Variants in IRGQ observed in about 807,000 individuals in gnomAD.
IRGQ encodes the protein immunity-related GTPase family Q protein.
In IRGQ, 5 loss-of-function variants were observed where a neutral mutation model predicts 10.5. That is an observed-to-expected ratio of 0.48 (90% CI 0.25 to 1.00). The LOEUF (loss-of-function observed/expected upper bound fraction) is 1.00, where lower values mean the gene tolerates loss of function less well. Among genes scored for constraint, IRGQ ranks in the 50% least tolerant of loss-of-function variants. IRGQ has a pLI of 0.16. For synonymous variants in IRGQ, 418 were observed against 426.0 expected, an observed-to-expected ratio of 0.98 and a Z score of 0.23; for missense variants, 792 against 877.7, an observed-to-expected ratio of 0.90 and a Z score of 1.23.
intron 2 of IRGQ, among the ~76,000 whole-genome samples, chr19:43,594,459 T>C (rs1472026133): frequency 6.6e-6 from 1 of 152,056 alleles, no homozygotes; most frequent in East Asian, 1.9e-4. Context: ...GGAGGATCAT[T>C]TGAGCCCAGG....
At position 43,592,911 on chromosome 19, in the gene IRGQ, C is replaced by T. The variant is rs1973080835; in HGVS notation, c.987G>A (p.Val329=). 6.2e-7 allele frequency: 1 copy of T among 1,612,636 alleles called. No individual in the cohort carries two copies. Among genetic ancestry groups the T allele is most frequent in the East Asian group, 2.2e-5 (1 of 44,870 alleles). ...LLLPDAPLVC[V]RTDGEGEDPE... ...GATCCTCGCCCTCGCCGTCTGTGCGCACGCAGACAAGAGGCGCATCTGGTA... is the reference window on the plus strand; with the variant it reads ...GATCCTCGCCCTCGCCGTCTGTGCGTACGCAGACAAGAGGCGCATCTGGTA... The change falls in exon 3 of 3, where the codon GTG becomes GTA. Residue 329 remains valine, a synonymous_variant. Coordinates refer to ENST00000422989, the MANE Select transcript of IRGQ (RefSeq NM_001007561.3).
Position 43,592,544 on chromosome 19 carries a change from G to T in IRGQ, c.1354C>A (p.Pro452Thr), listed in dbSNP as rs777118770. Reference protein sequence around the residue: ...LCEWLRRALPPAQAGALLLAL... With the variant: ...LCEWLRRALPTAQAGALLLAL... Reference sequence around the variant, plus strand: ...AGCAGCAGTGCCCCTGCCTGGGCTGGGGGGAGCGCTCGCCGCAGCCATTCG... The same window carrying T: ...AGCAGCAGTGCCCCTGCCTGGGCTGTGGGGAGCGCTCGCCGCAGCCATTCG... Residue 452 changes from proline (P) to threonine (T), a missense_variant, in exon 3 of 3, where the codon CCA (proline) becomes ACA (threonine). Coordinates refer to ENST00000422989, the MANE Select transcript of IRGQ (RefSeq NM_001007561.3). The T allele has an allele frequency of 8.1e-6, 13 of 1,596,988 alleles. No homozygotes were observed. Among genetic ancestry groups the T allele is most frequent in the Middle Eastern group, 1.7e-4 (1 of 5,998 alleles).
At position 43,591,963 on chromosome 19, in the gene IRGQ, C is replaced by G; in HGVS notation, c.*63G>C. 6.7e-7 allele frequency: 1 copy of G among 1,500,534 alleles called. No individual in the cohort carries two copies. The highest frequency in any genetic ancestry group is 9.0e-7 in the Non-Finnish European group (1 of 1,116,316). The allele number at this position is 1,500,534 out of a possible 1,614,324, so 93.0% of individuals were successfully genotyped here. On this transcript the variant is annotated 3_prime_UTR_variant, in exon 3 of 3. Transcript: ENST00000422989. ...GTCAAGAGTCCACATCCCCTTCAAG[C>G]ACCCAGGATTAAGCCCAGGCATCCC...
rs1973075837 is a variant in IRGQ at position 43,592,650 on chromosome 19, C to T, written c.1248G>A (p.Pro416=). ...GDSERAAALS[P]EDETWEVLEE... is the part of the protein sequence containing the mutation. The stretch of plus-strand genomic sequence containing the variant: ...CCAGCACCTCCCACGTCTCGTCCTC[C>T]GGGCTTAACGCAGCGGCCCGCTCTG... Residue 416 remains proline, a synonymous_variant, in exon 3 of 3, where the codon CCG becomes CCA. Coordinates refer to ENST00000422989, the MANE Select transcript of IRGQ (RefSeq NM_001007561.3). The T allele has an allele frequency of 2.5e-6, 4 of 1,604,808 alleles. No homozygotes were observed. The highest frequency in any genetic ancestry group is 2.5e-6 in the Non-Finnish European group (3 of 1,179,958).
At position 43,594,922 on chromosome 19, in the gene IRGQ, C is replaced by G. The variant is rs755279125; in HGVS notation, c.417G>C (p.Gly139=). The G allele has an allele frequency of 6.2e-7, 1 of 1,614,070 alleles. No individual in the cohort carries two copies. Among genetic ancestry groups the G allele is most frequent in the South Asian group, 1.1e-5 (1 of 91,090 alleles). The change falls in exon 2 of 3, where the codon GGG becomes GGC. Residue 139 remains glycine (G), a synonymous_variant. Transcript: ENST00000422989. The part of the protein sequence containing the change: ...DQTAALLNSA[G]LGAADLFVLP... ...GCACAAACAGATCCGCAGCTCCTAA[C>G]CCCGCGCTGTTCAGCAGAGCTGCTG...
rs1415239324 is a variant in IRGQ at position 43,595,033 on chromosome 19, G to A, written c.306C>T (p.Ala102=). ...GTAGCGGGGTCCCTCGGGCCAGGGC[G>A]GCCAGCGCTGCCTCTCCCAGGGCTG... ...LAPALGEAAL[A]ALARGTPLLA... The change falls in exon 2 of 3, where the codon GCC becomes GCT. Residue 102 remains alanine, a synonymous_variant. Transcript: ENST00000422989. The A allele has an allele frequency of 4.3e-6, 7 of 1,612,888 alleles. No individual in the cohort carries two copies. The highest frequency in any genetic ancestry group is 5.9e-6 in the Non-Finnish European group (7 of 1,179,744).
chr19:43,595,425 T>C, intron 1 of IRGQ, 85 bp from the exon 2 acceptor site: 1 of 1,296,516 alleles, frequency 7.7e-7, no homozygotes, highest in Non-Finnish European at 1.0e-6. Flanking sequence ...AACCCAGGCC[T>C]CAGTCCTTCA....
rs549433480 is a variant in IRGQ at position 43,585,997 on chromosome 19, G to A, written c.*6029C>T. ...AGCACCACAGGCCAACCACACCCTT[G>A]ATGTGTCCTTCATGGTTCCCCACTG... On this transcript the variant is annotated 3_prime_UTR_variant, in exon 3 of 3. Transcript: ENST00000422989. 5 of 152,258 alleles carry A rather than the reference G, an allele frequency of 3.3e-5. No homozygotes were observed. The highest frequency in any genetic ancestry group is 1.9e-4 in the East Asian group (1 of 5,184). The allele number at this position is 152,258 out of a possible 1,614,324, so 9.4% of individuals were successfully genotyped here.
In IRGQ at chr19:43,591,721, A is replaced by ATG. The variant is rs1642444087; in HGVS notation, c.*304_*305insCA. The ATG allele has an allele frequency of 3.9e-6, 1 of 254,322 alleles. No individual in the cohort carries two copies. Among genetic ancestry groups the ATG allele is most frequent in the East Asian group, 7.2e-5 (1 of 13,962 alleles). The allele number at this position is 254,322 out of a possible 1,614,324, so 15.8% of individuals were successfully genotyped here. Reference sequence around the variant, plus strand: ...AAATTAGCCAGGTGTGGTGGCAGGCACCTGTAATCCCAGCTACTCCGGACG... The same window carrying ATG: ...AAATTAGCCAGGTGTGGTGGCAGGCATGCCTGTAATCCCAGCTACTCCGGACG... On this transcript the variant is annotated 3_prime_UTR_variant, in exon 3 of 3. Transcript: ENST00000422989.
In IRGQ at chr19:43,588,741, CAT is replaced by C. The variant is rs1403453314; in HGVS notation, c.*3283_*3284del. 1.3e-5 allele frequency: 2 copies of C among 152,254 alleles called. No homozygotes were observed. Among genetic ancestry groups the C allele is most frequent in the African/African-American group, 4.8e-5 (2 of 41,460 alleles). 9.4% of individuals were successfully genotyped at this position (152,254 alleles called of 1,614,324 possible). A position where few individuals can be genotyped will look rare whatever the true frequency, so the allele number is the denominator to read the frequency against. On this transcript the variant is annotated 3_prime_UTR_variant, in exon 3 of 3. Coordinates refer to ENST00000422989, the MANE Select transcript of IRGQ (RefSeq NM_001007561.3). The stretch of plus-strand genomic sequence containing the variant: ...CTCAAAAAAAGAAAACTTAAAATGA[CAT>C]ATGTGGCTTGCATTTCGTTTCTACT...
rs1386772364 is a variant in IRGQ at position 43,593,239 on chromosome 19, A to G, written c.659T>C (p.Leu220Pro). ...LSWVRSGLER[L>P]GSARLDLAVA... ...GGCCAGGTCTAGCCGTGCGCTGCCC[A>G]GGCGCTCCAGGCCTGAGCGCACCCA... The change falls in exon 3 of 3, where the codon CTG becomes CCG. Residue 220 changes from leucine (L) to proline (P), a missense_variant. Physicochemically the swap from Leu to Pro is moderately conservative, Grantham distance 98 (BLOSUM62 -3). Coordinates refer to ENST00000422989, the MANE Select transcript of IRGQ (RefSeq NM_001007561.3). This position sits in a 1 kb window ranked among gnomAD's most constrained non-coding sequence, Gnocchi z 6.4. The G allele has an allele frequency of 1.3e-6, 2 of 1,588,320 alleles. No individual in the cohort carries two copies. Among genetic ancestry groups the G allele is most frequent in the African/African-American group, 1.4e-5 (1 of 73,940 alleles).
chr19:43,592,065 A>G lies in IRGQ; in HGVS notation c.1833T>C (p.Asp611=). Residue 611 remains aspartate (D), a synonymous_variant, in exon 3 of 3, where the codon GAT becomes GAC. Coordinates refer to ENST00000422989, the MANE Select transcript of IRGQ (RefSeq NM_001007561.3). ...CAGGGGGTGCCAGCACAGCCTCAGCATCAGCCCGCATCTCATCGAGAGCCT... is the reference window on the plus strand; with the variant it reads ...CAGGGGGTGCCAGCACAGCCTCAGCGTCAGCCCGCATCTCATCGAGAGCCT... ...LLQALDEMRA[D]AEAVLAPPEP... is the part of the protein sequence containing the mutation. 6.2e-7 allele frequency: 1 copy of G among 1,611,496 alleles called. No homozygotes were observed. Among genetic ancestry groups the G allele is most frequent in the Non-Finnish European group, 8.5e-7 (1 of 1,179,044 alleles).
rs1972986726 is a variant in IRGQ, at chr19:43,585,607, CAT to C, written c.*6417_*6418del. On this transcript the variant is annotated 3_prime_UTR_variant, in exon 3 of 3. Coordinates refer to ENST00000422989, the MANE Select transcript of IRGQ (RefSeq NM_001007561.3). Reference sequence around the variant, plus strand: ...TTGTTCTAGTGGCTGAAGCAAACCACATAGTCAAACCTAGAAGGAGAGCAACA... The same window carrying C: ...TTGTTCTAGTGGCTGAAGCAAACCACAGTCAAACCTAGAAGGAGAGCAACA... The C allele has an allele frequency of 2.0e-5, 3 of 152,112 alleles. No homozygotes were observed. The highest frequency in any genetic ancestry group is 2.1e-4 in the South Asian group (1 of 4,830). 9.4% of individuals were successfully genotyped at this position (152,112 alleles called of 1,614,324 possible).
At position 43,593,358 on chromosome 19, in the gene IRGQ, T is replaced by G; in HGVS notation, c.540A>C (p.Pro180=). ...SQAEALRRLL[P]PAQDGFEVLG... ...ACACCTCGAAGCCATCCTGCGCCGG[T>G]GGCAGGAGCCTGTGGGGACAAGAAG... The change falls in exon 3 of 3, where the codon CCA becomes CCC. Residue 180 remains proline (P), a synonymous_variant. Coordinates refer to ENST00000422989, the MANE Select transcript of IRGQ (RefSeq NM_001007561.3). This position sits in a 1 kb window ranked among gnomAD's most constrained non-coding sequence, Gnocchi z 6.4. 2 of 1,512,684 alleles carry G rather than the reference T, an allele frequency of 1.3e-6. No homozygotes were observed. Among genetic ancestry groups the G allele is most frequent in the African/African-American group, 2.8e-5 (2 of 71,778 alleles). The allele number at this position is 1,512,684 out of a possible 1,614,324, so 93.7% of individuals were successfully genotyped here.
At position 43,594,966 on chromosome 19, in the gene IRGQ, C is replaced by A. The variant is rs529378941; in HGVS notation, c.373G>T (p.Ala125Ser). ...NLRPGDSQTA[A>S]QARDQTAALL... ...GCTGCTGTCTGATCACGGGCCTGGG[C>A]GGCAGTCTGTGAATCCCCAGGACGG... is the stretch of plus-strand genomic sequence containing the variant. The change falls in exon 2 of 3, where the codon GCC becomes TCC. Residue 125 changes from alanine (A) to serine (S), a missense_variant. Coordinates refer to ENST00000422989, the MANE Select transcript of IRGQ (RefSeq NM_001007561.3). The A allele has an allele frequency of 1.2e-6, 2 of 1,614,030 alleles. No homozygotes were observed. Among genetic ancestry groups the A allele is most frequent in the Admixed American group, 1.7e-5 (1 of 60,030 alleles).
rs111946192 is a variant in IRGQ at position 43,592,703 on chromosome 19, C to A, written c.1195G>T (p.Gly399Cys). ...AGSEGLQQVV[G>C]MKKSGGGDSE... ...TCGCCACCACCTGATTTCTTCATGC[C>A]GACAACCTGCTGCAAACCCTCGCTG... is the stretch of plus-strand genomic sequence containing the variant. Residue 399 changes from glycine (G) to cysteine (C), a missense_variant, in exon 3 of 3, where the codon GGC becomes TGC. Transcript: ENST00000422989. 2.3e-5 allele frequency: 37 copies of A among 1,609,278 alleles called. No individual in the cohort carries two copies. The African/African-American group carries it at 2.8e-4, about 12-fold the overall frequency.
At position 43,592,979 on chromosome 19, in the gene IRGQ, C is replaced by A. The variant is rs1272290081; in HGVS notation, c.919G>T (p.Ala307Ser). 5.0e-6 allele frequency: 8 copies of A among 1,608,904 alleles called. No homozygotes were observed. Among genetic ancestry groups the A allele is most frequent in the Non-Finnish European group, 6.8e-6 (8 of 1,179,762 alleles). ...TGGGCCCAGTCCTTCTCAGTGGGGG[C>A]CCCAGGGGTGACGAGGATGAGGGCG... ...YDALILVTPG[A>S]PTEKDWAQVQ... The change falls in exon 3 of 3, where the codon GCC (alanine) becomes TCC (serine). Residue 307 changes from alanine (A) to serine (S), a missense_variant. Transcript: ENST00000422989.
At position 43,589,704 on chromosome 19, in the gene IRGQ, T is replaced by G. The variant is rs773804801; in HGVS notation, c.*2322A>C. 4 of 151,842 alleles carry G rather than the reference T, an allele frequency of 2.6e-5. No homozygotes were observed. Among genetic ancestry groups the G allele is most frequent in the Non-Finnish European group, 5.9e-5 (4 of 67,976 alleles). 9.4% of individuals were successfully genotyped at this position (151,842 alleles called of 1,614,324 possible). ...GGTCAAAAGCCAATAAACAGGTAAATAAATAAGATCATTTTTGACAGTAAT... is the reference window on the plus strand; with the variant it reads ...GGTCAAAAGCCAATAAACAGGTAAAGAAATAAGATCATTTTTGACAGTAAT... On this transcript the variant is annotated 3_prime_UTR_variant, in exon 3 of 3. Transcript: ENST00000422989.
chr19:43,592,635 C>T lies in IRGQ; in HGVS notation c.1263G>A (p.Trp421Ter). 1 of 1,603,536 alleles carries T rather than the reference C, an allele frequency of 6.2e-7. No homozygotes were observed. ...GCGGCGGCGCCTCCTCCAGCACCTC[C>T]CACGTCTCGTCCTCCGGGCTTAACG... ...AAALSPEDET[W>*]EVLEEAPPPV... The change falls in exon 3 of 3, where the codon TGG becomes TGA. Residue 421 changes from tryptophan to a stop codon, truncating the protein, a stop_gained. Transcript: ENST00000422989. LOFTEE classifies it low-confidence loss of function (END_TRUNC).
Sources: gnomAD v4.1 joint callset for allele counts (sites outside exome capture counted in the v4.1 genomes callset) on GRCh38, gnomAD v4.1.1 for gene constraint, Gnocchi (gnomAD v3.1) non-coding constraint, MANE v1.5 for transcripts, NCBI Gene and HGNC (gene_info 2026-07-23, HGNC 2026-07-21) for gene names.